Variants in ASPRV1 observed in about 807,000 individuals in gnomAD.
The protein encoded by ASPRV1 is retroviral-like aspartic protease 1.
ASPRV1 carries 7 observed loss-of-function variants against 11.0 expected under a neutral mutation model. The ratio of observed to expected loss-of-function variants is 0.64; its 90% CI spans 0.36 to 1.20. The LOEUF (loss-of-function observed/expected upper bound fraction) is 1.20. ASPRV1 is among the 50% of genes most tolerant of loss of function. ASPRV1 has a pLI of 0.02. For missense variants in ASPRV1, 299 were observed against 320.0 expected, an observed-to-expected ratio of 0.93 and a Z score of 0.50; for synonymous variants, 136 against 138.4, an observed-to-expected ratio of 0.98 and a Z score of 0.12.
chr2:69,993,897 A>G, the ASPRV1 span: 2 of 152,322 alleles, frequency 1.3e-5, no homozygotes, highest in South Asian at 4.1e-4. Flanking sequence ...TGTTTTGCAG[A>G]GCGTTGGGAA....
chr2:70,037,540 G>A, the ASPRV1 span, among the ~76,000 whole-genome samples: 1 of 152,186 alleles, frequency 6.6e-6, no homozygotes, highest in Admixed American at 6.5e-5. Context: ...ACAGGCATGA[G>A]GCACTGCGCC....
chr2:70,009,332 T>TTATTTATTTATC, the ASPRV1 span, among the ~76,000 whole-genome samples: 1 of 151,710 alleles, frequency 6.6e-6, no homozygotes, highest in African/African-American at 2.4e-5. Context: ...ATTTATTTAT[T>TTATTTATTTATC]TATTTATTTA....
At chr2:70,032,651 C>T in the ASPRV1 span, among the ~76,000 whole-genome samples, 3 of 152,084 alleles carry the variant, frequency 2.0e-5, no homozygotes, top group Non-Finnish European at 4.4e-5. Context: ...GAGTGAGATC[C>T]TATCTCAAAA....
the ASPRV1 span, chr2:70,048,579 C>CA: frequency 6.6e-6 from 1 of 152,270 alleles, no homozygotes. Flanking sequence ...ACAGAGATCT[C>CA]AAAGTATTTG....
chr2:70,063,419 A>G, the ASPRV1 span, among the ~76,000 whole-genome samples: 1 of 152,196 alleles, frequency 6.6e-6, no homozygotes, highest in South Asian at 2.1e-4. Flanking sequence ...TTCAGAGAGA[A>G]ATTCCACAGA....
At chr2:70,067,346 A>G in the ASPRV1 span, among the ~76,000 whole-genome samples, 2 of 152,212 alleles carry the variant, frequency 1.3e-5, no homozygotes, top group Non-Finnish European at 2.9e-5. Context: ...AGGGGGCTGC[A>G]AGACATCCCA....
At chr2:70,082,539 C>T in the ASPRV1 span, among the ~76,000 whole-genome samples, 15 of 152,062 alleles carry the variant, frequency 9.9e-5, 1 homozygote, top group Admixed American at 7.9e-4. Context: ...GGAGAAACTC[C>T]GTCTCTACTA....
the ASPRV1 span, among the ~76,000 whole-genome samples, chr2:69,988,288 A>G: frequency 6.6e-6 from 1 of 152,244 alleles, no homozygotes; most frequent in African/African-American, 2.4e-5. Flanking sequence ...GCATGGCTGA[A>G]CAGATGAACA....
chr2:70,032,789 C>T, the ASPRV1 span, among the ~76,000 whole-genome samples: 3 of 152,170 alleles, frequency 2.0e-5, no homozygotes, highest in African/African-American at 7.2e-5. Context: ...GAGGAGGCTG[C>T]AGCTCTCCGA....
chr2:69,960,461 A>T lies in ASPRV1; in HGVS notation c.*196T>A, dbSNP rs1288802272. 3 of 601,332 alleles carry T rather than the reference A, an allele frequency of 5.0e-6. No homozygotes were observed. The highest frequency in any genetic ancestry group is 5.6e-5 in the East Asian group (2 of 35,982). The allele number at this position is 601,332 out of a possible 1,614,324, so 37.2% of individuals were successfully genotyped here. A position where few individuals can be genotyped will look rare whatever the true frequency, so the allele number is the denominator to read the frequency against. On this transcript the variant is annotated 3_prime_UTR_variant, in exon 1 of 1. Transcript: ENST00000320256. ...CCTCTAAGCCAGCCTGCTCTCCCTC[A>T]CCTGTGCCTGTTCAGTGGAAGCCTC...
At chr2:70,062,569 C>T in the ASPRV1 span, among the ~76,000 whole-genome samples, 3 of 152,174 alleles carry the variant, frequency 2.0e-5, no homozygotes, top group Admixed American at 2.0e-4. Context: ...TTGAAGCTGG[C>T]TGTCAATGTC....
the ASPRV1 span, among the ~76,000 whole-genome samples, chr2:70,007,672 ATATAAAAAGAGC>A: frequency 6.6e-6 from 1 of 152,140 alleles, no homozygotes; most frequent in East Asian, 1.9e-4. Flanking sequence ...GCTTATTTGC[ATATAAAAAGAGC>A]TATGTATAAA....
At chr2:69,956,978 C>T (rs1007995560), downstream of ASPRV1, among the ~76,000 whole-genome samples, 12 of 152,124 alleles carry the variant, frequency 7.9e-5, no homozygotes, top group Admixed American at 5.9e-4. Context: ...AGAGGAATTA[C>T]TCAGATTAAA....
chr2:70,080,709 G>A, the ASPRV1 span, among the ~76,000 whole-genome samples: 1 of 152,208 alleles, frequency 6.6e-6, no homozygotes, highest in Non-Finnish European at 1.5e-5. Flanking sequence ...AGCAAGTATA[G>A]TCAAATCTCA....
At chr2:70,072,719 C>T in the ASPRV1 span, among the ~76,000 whole-genome samples, 21 of 151,722 alleles carry the variant, frequency 1.4e-4, no homozygotes, top group African/African-American at 5.1e-4. Context: ...AAGATTTCGT[C>T]TCAAAAATAA....
the ASPRV1 span, among the ~76,000 whole-genome samples, chr2:70,027,092 A>C: frequency 6.6e-6 from 1 of 151,920 alleles, no homozygotes; most frequent in Admixed American, 6.6e-5. Context: ...TCTACAAAAA[A>C]TTTAAACATT....
the ASPRV1 span, among the ~76,000 whole-genome samples, chr2:70,054,716 GTA>G: frequency 3.9e-5 from 6 of 152,106 alleles, no homozygotes; most frequent in East Asian, 1.2e-3. Context: ...GGATGTCCTG[GTA>G]TATACAGCTA....
At chr2:70,033,664 AT>A in the ASPRV1 span, among the ~76,000 whole-genome samples, 4 of 152,228 alleles carry the variant, frequency 2.6e-5, no homozygotes, top group East Asian at 5.8e-4. Flanking sequence ...GAATGGAATA[AT>A]TTTTTCCCCT....
the ASPRV1 span, among the ~76,000 whole-genome samples, chr2:70,001,396 G>A: frequency 1.3e-5 from 2 of 151,890 alleles, no homozygotes; most frequent in Non-Finnish European, 2.9e-5. Flanking sequence ...CAATGTGGTG[G>A]TGCATGCCTG....
Sources: allele counts gnomAD v4.1 joint callset (sites outside exome capture counted in the v4.1 genomes callset), GRCh38; gene constraint gnomAD v4.1.1; transcripts MANE v1.5; gene names NCBI Gene and HGNC (gene_info 2026-07-23, HGNC 2026-07-21).